Variants in ZNF385D observed in about 807,000 individuals in gnomAD.
The protein encoded by ZNF385D is zinc finger protein 385D.
In ZNF385D, 15 loss-of-function variants were observed where a neutral mutation model predicts 35.8. The ratio of observed to expected loss-of-function variants is 0.42; its 90% CI spans 0.28 to 0.64. The LOEUF (loss-of-function observed/expected upper bound fraction) is 0.64. Ranked by LOEUF, ZNF385D falls within the 30% of genes least tolerant of loss-of-function variation. ZNF385D has a pLI of 0.23. For missense variants in ZNF385D, 474 were observed against 494.6 expected (o/e 0.96, Z 0.39); for synonymous variants, 212 against 186.8 (o/e 1.13, Z -1.10).
At chr3:22,154,145 C>A (rs1475942359) in intron 3 of ZNF385D, among the ~76,000 whole-genome samples, 2 of 152,096 alleles carry the variant, frequency 1.3e-5, no homozygotes, top group African/African-American at 4.8e-5. Context: ...TGGCTGATAT[C>A]CACTGGGGTG....
chr3:21,834,378 A>C (rs543986423), intron 3 of ZNF385D, among the ~76,000 whole-genome samples: 1 of 152,272 alleles, frequency 6.6e-6, no homozygotes, highest in African/African-American at 2.4e-5. Context: ...CCATTTGTTC[A>C]AGCCTTCTTA....
At chr3:21,997,866 C>CGTGTGT (rs1162271257) in intron 3 of ZNF385D, among the ~76,000 whole-genome samples, 3 of 97,808 alleles carry the variant, frequency 3.1e-5, no homozygotes, top group South Asian at 3.8e-4. Context: ...GGCGCGCGCG[C>CGTGTGT]GCGCGCGTGT....
chr3:22,209,431 G>A (rs1697371884), intron 2 of ZNF385D, among the ~76,000 whole-genome samples: 3 of 151,784 alleles, frequency 2.0e-5, no homozygotes, highest in East Asian at 1.9e-4. Context: ...AAAACATTGT[G>A]TACATTTTAT....
chr3:22,085,907 A>G (rs1214458195), intron 3 of ZNF385D, among the ~76,000 whole-genome samples: 3 of 152,224 alleles, frequency 2.0e-5, no homozygotes, highest in Non-Finnish European at 2.9e-5. Context: ...AACATATGCA[A>G]ATCAATAAAT....
At chr3:21,878,219 A>C (rs1684518) in intron 3 of ZNF385D, 83,568 of 151,694 alleles carry the variant, frequency 0.55, 23,233 homozygotes, top group African/African-American at 0.58. Context: ...AGAGATCTTA[A>C]GTAACTTATC....
chr3:21,760,782 G>A (rs1406076040), intron 3 of ZNF385D, among the ~76,000 whole-genome samples: 1 of 152,130 alleles, frequency 6.6e-6, no homozygotes, highest in East Asian at 1.9e-4. Flanking sequence ...ACATTTAACT[G>A]AGAGAACAAA....
chr3:22,230,748 G>A (rs560844787), intron 2 of ZNF385D, among the ~76,000 whole-genome samples: 1 of 152,260 alleles, frequency 6.6e-6, no homozygotes, highest in East Asian at 1.9e-4. Flanking sequence ...ATAAAATCCA[G>A]AAAAGTTTAT....
chr3:22,127,719 G>C (rs1559389816), intron 3 of ZNF385D, among the ~76,000 whole-genome samples: 1 of 152,046 alleles, frequency 6.6e-6, no homozygotes, highest in Admixed American at 6.6e-5. Context: ...TTGATGACAA[G>C]TTAACTCTGA....
At chr3:21,977,264 T>A (rs62248370) in intron 3 of ZNF385D, among the ~76,000 whole-genome samples, 21,124 of 152,136 alleles carry the variant, frequency 0.14, 1,645 homozygotes, top group Middle Eastern at 0.23. Context: ...TGGAAATCCA[T>A]TGAACTGTAC....
rs181551177 is a variant in ZNF385D, at chr3:22,327,399, A to G, written c.106+45051T>C. On this transcript the variant is annotated intron_variant, in intron 2 of 5. Transcript: ENST00000494108. ...GAAAGCCTGCCTATCGGTGTCCTAC[A>G]CTCTAAGTTCCATGGGCCTACATTA... 2.2e-3 allele frequency among the ~76,000 whole-genome samples: 341 copies of G among 152,276 alleles called. 7 individuals are homozygous for G. The South Asian group carries it at 0.032, about 14-fold the overall frequency.
intron 2 of ZNF385D, among the ~76,000 whole-genome samples, chr3:21,611,202 A>C (rs1216303450): frequency 6.6e-6 from 1 of 152,224 alleles, no homozygotes; most frequent in Admixed American, 6.5e-5. Flanking sequence ...GTTGAACAAG[A>C]AAGGCTACAC....
chr3:22,014,537 T>C (rs897234567), intron 3 of ZNF385D, among the ~76,000 whole-genome samples: 6 of 152,058 alleles, frequency 3.9e-5, no homozygotes, highest in Non-Finnish European at 7.4e-5. Context: ...TTAAGAAAGT[T>C]TGAACCCCAA....
At chr3:21,674,910 G>A (rs2066677298) in intron 1 of ZNF385D, among the ~76,000 whole-genome samples, 1 of 150,282 alleles carries the variant, frequency 6.7e-6, no homozygotes, top group Non-Finnish European at 1.5e-5. Context: ...ATGGATGGAT[G>A]GATGGATGGA....
chr3:21,498,621 A>G (rs1216372573), intron 4 of ZNF385D, among the ~76,000 whole-genome samples: 2 of 152,160 alleles, frequency 1.3e-5, no homozygotes, highest in Non-Finnish European at 2.9e-5. Context: ...ATCACTAATC[A>G]TTATAGAAAT....
At chr3:21,668,229 A>G (rs1347803763) in intron 1 of ZNF385D, among the ~76,000 whole-genome samples, 2 of 152,096 alleles carry the variant, frequency 1.3e-5, no homozygotes, top group Non-Finnish European at 2.9e-5. Context: ...TGCCTTACCT[A>G]AGGTGACCCT....
At chr3:21,966,068 C>A (rs1055502492) in intron 3 of ZNF385D, among the ~76,000 whole-genome samples, 1 of 152,128 alleles carries the variant, frequency 6.6e-6, no homozygotes, top group African/African-American at 2.4e-5. Flanking sequence ...TACTCCTTGT[C>A]TCTCTAGAGT....
At chr3:21,752,531 A>G (rs1484148987), upstream of ZNF385D, among the ~76,000 whole-genome samples, 1 of 152,220 alleles carries the variant, frequency 6.6e-6, no homozygotes, top group Non-Finnish European at 1.5e-5. Flanking sequence ...CTTTCTGTGC[A>G]ATCTTGCATA....
intron 2 of ZNF385D, among the ~76,000 whole-genome samples, chr3:21,625,273 C>T (rs889086912): frequency 6.6e-5 from 10 of 152,110 alleles, no homozygotes; most frequent in African/African-American, 2.2e-4. Flanking sequence ...AGGCATTTTA[C>T]GTGCTTTTGC....
rs1603662 is a variant in ZNF385D, at chr3:21,994,924, G to C, written c.325+173893C>G. Among the ~76,000 whole-genome samples the C allele has an allele frequency of 5.5e-3, 839 of 152,324 alleles. 9 individuals are homozygous for C. The highest frequency in any genetic ancestry group is 0.018 in the African/African-American group (769 of 41,574). ...ATCAGCTGGTCATTGGGCACTAGTG[G>C]CAACAGCAGTGGGCTGGGTGTGTAA... On this transcript the variant is annotated intron_variant, in intron 3 of 5. Transcript: ENST00000494108.
Sources: allele counts gnomAD v4.1 joint callset (sites outside exome capture counted in the v4.1 genomes callset), GRCh38; gene constraint gnomAD v4.1.1; transcripts MANE v1.5; gene names NCBI Gene and HGNC (gene_info 2026-07-23, HGNC 2026-07-21).